The following LTK variants were observed in gnomAD, a reference collection of about 807,000 sequenced individuals.
The protein encoded by LTK is leukocyte receptor tyrosine kinase.
LTK carries 117 observed loss-of-function variants against 101.5 expected under a neutral mutation model. The observed-to-expected ratio is 1.15, with a 90% CI of 0.99 to 1.34. The LOEUF (loss-of-function observed/expected upper bound fraction) is 1.34. Among genes scored for constraint, LTK ranks in the 40% most tolerant of loss-of-function variants. The pLI, the probability that LTK is intolerant of heterozygous loss-of-function variation, is 0.00. For missense variants in LTK, 1,252 were observed against 1,164.7 expected (o/e 1.07, Z -1.09); for synonymous variants, 563 against 494.2 (o/e 1.14, Z -1.85).
chr15:41,512,929 G>C, intron 2 of LTK, 48 bp downstream of exon 2: 1 of 1,610,716 alleles, frequency 6.2e-7, no homozygotes, highest in South Asian at 1.1e-5. Flanking sequence ...CTGGGCCAGA[G>C]GGGTCTGGTA....
Position 41,508,107 on chromosome 15 carries a change from T to C in LTK, c.1211A>G (p.Glu404Gly). 1 of 1,613,066 alleles carries C rather than the reference T, an allele frequency of 6.2e-7. No individual in the cohort carries two copies. Among genetic ancestry groups the C allele is most frequent in the South Asian group, 1.1e-5 (1 of 90,940 alleles). The change falls in exon 9 of 20, where the codon GAA becomes GGA. Residue 404 changes from glutamate (E) to glycine (G), a missense_variant. Glu to Gly is a moderately conservative substitution (Grantham distance 98). Transcript: ENST00000263800. ...ELQLAECLCPEGMELAVDNVT... is the reference protein window; with the variant it reads ...ELQLAECLCPGGMELAVDNVT... ...GTTATCCACAGCTAGCTCCATGCCT[T>C]CTGGGCACAGGCATTCAGCCAGCTG...
intron 13 of LTK, 23 bp from the exon 14 acceptor site, chr15:41,505,553 C>G: frequency 6.2e-7 from 1 of 1,613,310 alleles, no homozygotes; most frequent in Non-Finnish European, 8.5e-7. Flanking sequence ...GGGGACATAT[C>G]CCGTTACCAG....
rs765575080 is a variant in LTK at position 41,511,968 on chromosome 15, G to A, written c.511-5C>T. The A allele has an allele frequency of 8.8e-5, 129 of 1,470,388 alleles. No individual in the cohort carries two copies. In the African/African-American group the frequency reaches 1.8e-3, roughly 21 times the overall value. The allele number at this position is 1,470,388 out of a possible 1,614,324, so 91.1% of individuals were successfully genotyped here. On this transcript the variant is annotated splice_region_variant and splice_polypyrimidine_tract_variant and intron_variant, in intron 4 of 19. Transcript: ENST00000263800. The surrounding 1 kb of genome is among the most constrained non-coding windows in gnomAD (Gnocchi z 5.9). ...GAGCTGGCTCTCCGGGCTACCCTGC[G>A]GGCAGCGGGGGAGGGAATCGGCGGG...
In LTK at chr15:41,507,206, A is replaced by T; in HGVS notation, c.1430T>A (p.Ile477Asn). 1 of 1,613,772 alleles carries T rather than the reference A, an allele frequency of 6.2e-7. No individual in the cohort carries two copies. Among genetic ancestry groups the T allele is most frequent in the Non-Finnish European group, 8.5e-7 (1 of 1,179,898 alleles). The change falls in exon 11 of 20, where the codon ATC becomes AAC. Residue 477 changes from isoleucine to asparagine, a missense_variant. Physicochemically the swap from Ile to Asn is moderately radical, Grantham distance 149. Transcript: ENST00000263800. ...ATAATAGGGATTGGGGGCTGTCCTG[A>T]TGGCAGAGGTTCGAAGCTTGCTCAG... ...LELSKLRTSA[I>N]RTAPNPYYCQ...
chr15:41,505,649 AAG>A (rs1595458319), intron 13 of LTK, 62 bp downstream of exon 13: 1 of 1,608,230 alleles, frequency 6.2e-7, no homozygotes. Context: ...CCTCAGGGTG[AAG>A]AGAAACTGTT....
chr15:41,513,269 C>T, intron 1 of LTK, 149 bp from the exon 2 acceptor site: 1 of 958,172 alleles, frequency 1.0e-6, no homozygotes, highest in Non-Finnish European at 1.5e-6. Flanking sequence ...AGCCACTACC[C>T]GACTCCGGTC....
rs140642102 is a variant in LTK, at chr15:41,504,838, G to A, written c.2055C>T (p.Leu685=). 8.6e-4 allele frequency: 1,381 copies of A among 1,613,384 alleles called. 19 individuals are homozygous for A. In the African/African-American group the frequency reaches 0.016, roughly 19 times the overall value. The change falls in exon 17 of 20, where the codon CTC becomes CTT. Residue 685 remains leucine (L), a synonymous_variant. Transcript: ENST00000263800. ...SYYRRGDRAL[L]PVKWMPPEAF... is the part of the protein sequence containing the mutation. ...CCTCTGGGGGCATCCACTTGACTGG[G>A]AGCAAGGCCCGGTCCCCCCTGCGGT...
At chr15:41,506,046 G>GGAGAA (rs1566866276) in intron 11 of LTK, 41 bp from the exon 12 acceptor site, 2 of 1,395,080 alleles carry the variant, frequency 1.4e-6, no homozygotes, top group Admixed American at 3.4e-5. Flanking sequence ...CAGGCGGCCT[G>GGAGAA]GAGAAGAGTC....
At position 41,512,806 on chromosome 15, in the gene LTK, T is replaced by C. The variant is rs1290012319; in HGVS notation, c.260A>G (p.Asp87Gly). ...GRHGPTQTQC[D>G]GAYAGTSVVV... ...CACGCTGGTCCCCGCGTACGCCCCG[T>C]CACATTGTGTCTGTGTGGGCCCATG... The change falls in exon 3 of 20, where the codon GAC becomes GGC. Residue 87 changes from aspartate (D) to glycine (G), a missense_variant. Transcript: ENST00000263800. 6.2e-7 allele frequency: 1 copy of C among 1,612,608 alleles called. No homozygotes were observed. Among genetic ancestry groups the C allele is most frequent in the Non-Finnish European group, 8.5e-7 (1 of 1,179,848 alleles).
In LTK at chr15:41,511,518, G is replaced by C. The variant is rs772000191; in HGVS notation, c.718C>G (p.Leu240Val). The C allele has an allele frequency of 2.8e-4, 417 of 1,478,458 alleles. No homozygotes were observed. Among genetic ancestry groups the C allele is most frequent in the Non-Finnish European group, 3.4e-4 (386 of 1,124,870 alleles). The allele number at this position is 1,478,458 out of a possible 1,614,324, so 91.6% of individuals were successfully genotyped here. ...VAAGGGGRAYLRPRDRGRTQA... is the reference protein window; with the variant it reads ...VAAGGGGRAYVRPRDRGRTQA... ...GTCCGGCCTCGGTCCCGCGGCCTCAGGTAGGCCCGACCGCCGCCTCCGGCC... is the reference window on the plus strand; with the variant it reads ...GTCCGGCCTCGGTCCCGCGGCCTCACGTAGGCCCGACCGCCGCCTCCGGCC... Residue 240 changes from leucine to valine, a missense_variant, in exon 6 of 20, where the codon CTG becomes GTG. Physicochemically the swap from Leu to Val is conservative, Grantham distance 32. Coordinates refer to ENST00000263800, the MANE Select transcript of LTK (RefSeq NM_002344.6). This position sits in a 1 kb window ranked among gnomAD's most constrained non-coding sequence, Gnocchi z 5.9.
At position 41,511,850 on chromosome 15, in the gene LTK, G is replaced by A. The variant is rs754005123; in HGVS notation, c.624C>T (p.Gly208=). The part of the protein sequence containing the change: ...VPGSRRWAGG[G]GGGGGATYVF... ...CGTAGGTGGCGCCCCCGCCACCCCC[G>A]CCACCTCCCGCCCAGCGCCGCGACC... The change falls in exon 5 of 20, where the codon GGC becomes GGT. Residue 208 remains glycine (G), a synonymous_variant. Transcript: ENST00000263800. The surrounding 1 kb of genome is among the most constrained non-coding windows in gnomAD (Gnocchi z 5.9). 2.5e-5 allele frequency: 16 copies of A among 643,584 alleles called. No homozygotes were observed. Among genetic ancestry groups the A allele is most frequent in the South Asian group, 2.1e-4 (12 of 57,024 alleles). 39.9% of individuals were successfully genotyped at this position (643,584 alleles called of 1,614,324 possible). A position where few individuals can be genotyped will look rare whatever the true frequency, so the allele number is the denominator to read the frequency against.
rs889922344 is a variant in LTK, at chr15:41,511,799, G to A, written c.657+18C>T. 9 of 1,487,000 alleles carry A rather than the reference G, an allele frequency of 6.1e-6. No individual in the cohort carries two copies. The highest frequency in any genetic ancestry group is 3.0e-5 in the African/African-American group (2 of 67,366). 92.1% of individuals were successfully genotyped at this position (1,487,000 alleles called of 1,614,324 possible). On this transcript the variant is annotated intron_variant, in intron 5 of 19. Coordinates refer to ENST00000263800, the MANE Select transcript of LTK (RefSeq NM_002344.6). The surrounding 1 kb of genome is among the most constrained non-coding windows in gnomAD (Gnocchi z 5.9). Reference sequence around the variant, plus strand: ...GAGGATTGGGACCCCAACGCTGAGCGCCGAAGGGAGCACGTACCCGGAAAA... The same window carrying A: ...GAGGATTGGGACCCCAACGCTGAGCACCGAAGGGAGCACGTACCCGGAAAA...
rs977212233 is a variant in LTK, at chr15:41,505,857, C to T, written c.1632+58G>A. 2.9e-5 allele frequency: 46 copies of T among 1,600,284 alleles called. 1 individual carries two copies. Among genetic ancestry groups the T allele is most frequent in the East Asian group, 2.5e-4 (11 of 44,808 alleles). On this transcript the variant is annotated intron_variant, in intron 12 of 19. Coordinates refer to ENST00000263800, the MANE Select transcript of LTK (RefSeq NM_002344.6). ...GGTTAACCCTAGCTCTAGTCATTGT[C>T]CTTCCCTTCAGGGTGTTCCGCTCTC...
chr15:41,512,562 A>T, intron 3 of LTK, 145 bp downstream of exon 3: 1 of 1,097,254 alleles, frequency 9.1e-7, no homozygotes, highest in Non-Finnish European at 1.3e-6. Flanking sequence ...GGTGGCGACT[A>T]CTGCCACCTT....
In LTK at chr15:41,511,226, G is replaced by T; in HGVS notation, c.935C>A (p.Ala312Asp). Reference sequence around the variant, plus strand: ...CCCGCCGCCGCCCCCGAAGCCGCCGGCCGCGGCCCAGCCAAGGGTCGCCCA... The same window carrying T: ...CCCGCCGCCGCCCCCGAAGCCGCCGTCCGCGGCCCAGCCAAGGGTCGCCCA... ...EAWATLGWAA[A>D]GGFGGGGGAC... Residue 312 changes from alanine (A) to aspartate (D), a missense_variant, in exon 7 of 20, where the codon GCC (alanine) becomes GAC (aspartate). Transcript: ENST00000263800. This position sits in a 1 kb window ranked among gnomAD's most constrained non-coding sequence, Gnocchi z 5.9. The T allele has an allele frequency of 7.1e-7, 1 of 1,400,544 alleles. No homozygotes were observed. The highest frequency in any genetic ancestry group is 3.0e-5 in the Admixed American group (1 of 33,126). 86.8% of individuals were successfully genotyped at this position (1,400,544 alleles called of 1,614,324 possible). A position where few individuals can be genotyped will look rare whatever the true frequency, so the allele number is the denominator to read the frequency against.
chr15:41,511,954 C>T lies in LTK; in HGVS notation c.520G>A (p.Glu174Lys). ...GEDACPGGSP[E>K]SQLVCLGESR... is the part of the protein sequence containing the mutation. ...TCCCCGAGGCAGACGAGCTGGCTCT[C>T]CGGGCTACCCTGCGGGCAGCGGGGG... The change falls in exon 5 of 20, where the codon GAG (glutamate) becomes AAG (lysine). Residue 174 changes from glutamate to lysine, a missense_variant. Physicochemically the swap from Glu to Lys is moderately conservative, Grantham distance 56 (BLOSUM62 1). Transcript: ENST00000263800. This position sits in a 1 kb window ranked among gnomAD's most constrained non-coding sequence, Gnocchi z 5.9. The T allele has an allele frequency of 6.7e-7, 1 of 1,484,794 alleles. No homozygotes were observed. The highest frequency in any genetic ancestry group is 2.5e-5 in the East Asian group (1 of 39,464). 92.0% of individuals were successfully genotyped at this position (1,484,794 alleles called of 1,614,324 possible). A position where few individuals can be genotyped will look rare whatever the true frequency, so the allele number is the denominator to read the frequency against.
Position 41,511,430 on chromosome 15 carries a change from C to T in LTK, c.806G>A (p.Gly269Glu), listed in dbSNP as rs761427498. 2.9e-6 allele frequency: 4 copies of T among 1,392,574 alleles called. No individual in the cohort carries two copies. The highest frequency in any genetic ancestry group is 3.6e-5 in the Admixed American group (1 of 27,398). 86.3% of individuals were successfully genotyped at this position (1,392,574 alleles called of 1,614,324 possible). Residue 269 changes from glycine (G) to glutamate (E), a missense_variant, in exon 6 of 20, where the codon GGG becomes GAG. Physicochemically the swap from Gly to Glu is moderately conservative, Grantham distance 98. Coordinates refer to ENST00000263800, the MANE Select transcript of LTK (RefSeq NM_002344.6). The surrounding 1 kb of genome is among the most constrained non-coding windows in gnomAD (Gnocchi z 5.9). Reference sequence around the variant, plus strand: ...GCGGCCCGCGCCCTCACCTGCCGCCCCGCCTCTCCCGCCGCTCCCGGGCGC... The same window carrying T: ...GCGGCCCGCGCCCTCACCTGCCGCCTCGCCTCTCCCGCCGCTCCCGGGCGC... ...SEAPGSGGRG[G>E]AAGGGGGWTS...
chr15:41,505,509 AAT>A lies in LTK; in HGVS notation c.1717_1718del (p.Ile573CysfsTer173). ...LIISKFRHQN[I>X]VRCVGLSLRA... ...TGAGGCTGAGCCCCACACACCGCACAATGTTCTGATGGCGAAACTTGCTGAGT... is the reference window on the plus strand; with the variant it reads ...TGAGGCTGAGCCCCACACACCGCACAGTTCTGATGGCGAAACTTGCTGAGT... On this transcript the variant is annotated frameshift_variant, in exon 14 of 20. Transcript: ENST00000263800. LOFTEE classifies it high-confidence loss of function. 6.2e-7 allele frequency: 1 copy of A among 1,614,036 alleles called. No homozygotes were observed. The highest frequency in any genetic ancestry group is 8.5e-7 in the Non-Finnish European group (1 of 1,180,000).
chr15:41,505,680 G>A lies in LTK; in HGVS notation c.1697+33C>T, dbSNP rs553446592. On this transcript the variant is annotated intron_variant, in intron 13 of 19. Coordinates refer to ENST00000263800, the MANE Select transcript of LTK (RefSeq NM_002344.6). The stretch of plus-strand genomic sequence containing the variant: ...AACTGTTCCCGGGCATTCCCCTCCC[G>A]CCTTCCAGCCCTGCCCCTGGTCCCA... 333 of 1,612,338 alleles carry A rather than the reference G, an allele frequency of 2.1e-4. 2 individuals are homozygous for A. The South Asian group carries it at 2.3e-3, about 11-fold the overall frequency.
Sources: allele counts gnomAD v4.1 joint callset, GRCh38; gene constraint gnomAD v4.1.1; non-coding constraint Gnocchi (gnomAD v3.1); transcripts MANE v1.5; gene names NCBI Gene and HGNC (gene_info 2026-07-23, HGNC 2026-07-21).